MYLK: variants seen among roughly 807,000 people sequenced by gnomAD.
MYLK encodes the protein myosin light chain kinase, smooth muscle.
A neutral mutation model predicts 203.4 loss-of-function variants in MYLK; 106 were observed. The ratio of observed to expected loss-of-function variants is 0.52; its 90% CI spans 0.45 to 0.61. MYLK has a LOEUF of 0.61. Among genes scored for constraint, MYLK ranks in the 20% least tolerant of loss-of-function variants. The pLI is 0.00. For synonymous variants in MYLK, 867 were observed against 959.5 expected (o/e 0.90, Z 1.78); for missense variants, 2,072 against 2,442.3 (o/e 0.85, Z 3.20).
chr3:123,669,774 C>T (rs1455160417), intron 20 of MYLK, among the ~76,000 whole-genome samples: 1 of 152,040 alleles, frequency 6.6e-6, no homozygotes, highest in Non-Finnish European at 1.5e-5. Flanking sequence ...TTGGCTCACA[C>T]CTGTAATCCC....
At chr3:123,628,167 T>C (rs1243646944) in intron 30 of MYLK, among the ~76,000 whole-genome samples, 1 of 152,174 alleles carries the variant, frequency 6.6e-6, no homozygotes, top group Non-Finnish European at 1.5e-5. Flanking sequence ...AAGATCTCAT[T>C]GTCAAGGAGT....
chr3:123,759,591 C>A (rs2063469867), intron 4 of MYLK, among the ~76,000 whole-genome samples: 1 of 152,192 alleles, frequency 6.6e-6, no homozygotes. Flanking sequence ...ATGTGTTAGA[C>A]CCGGTGGGGA....
At chr3:123,868,945 C>A (rs1318140718) in intron 2 of MYLK, among the ~76,000 whole-genome samples, 1 of 152,090 alleles carries the variant, frequency 6.6e-6, no homozygotes, top group African/African-American at 2.4e-5. Context: ...ATCTGTGTTT[C>A]AATACTGTTT....
chr3:123,844,822 GTTTTTTTTT>G (rs146243787), intron 2 of MYLK, among the ~76,000 whole-genome samples: 1 of 117,852 alleles, frequency 8.5e-6, no homozygotes, highest in Non-Finnish European at 1.7e-5. Context: ...CTCCTCAGTT[GTTTTTTTTT>G]TTTTTTTTTT....
At chr3:123,878,323 A>G (rs11923003) in intron 1 of MYLK, among the ~76,000 whole-genome samples, 15,309 of 152,198 alleles carry the variant, frequency 0.1, 1,204 homozygotes, top group East Asian at 0.36. Context: ...CACATAGCAG[A>G]AGACAGTGCT....
intron 14 of MYLK, 128 bp from the exon 15 acceptor site, chr3:123,709,023 C>T: frequency 1.3e-6 from 1 of 775,604 alleles, no homozygotes; most frequent in South Asian, 1.8e-5. Flanking sequence ...ACTTCCCCAT[C>T]AGTAAAATAG....
intron 2 of MYLK, among the ~76,000 whole-genome samples, chr3:123,854,037 T>C (rs564023640): frequency 6.6e-6 from 1 of 151,872 alleles, no homozygotes; most frequent in Admixed American, 6.6e-5. Flanking sequence ...CAAGGTAGCC[T>C]GCTGGAAGAT....
intron 19 of MYLK, among the ~76,000 whole-genome samples, chr3:123,685,938 G>C (rs370827461): frequency 3.7e-4 from 56 of 152,312 alleles, no homozygotes; most frequent in South Asian, 1.9e-3. Flanking sequence ...GGAGCCCCAG[G>C]GGGTGGCCGC....
At chr3:123,681,957 G>A (rs1576535128) in intron 20 of MYLK, 1 of 519,082 alleles carries the variant, frequency 1.9e-6, no homozygotes, top group Non-Finnish European at 3.5e-6. Flanking sequence ...GGTTGGGCAG[G>A]GGAGGTAGAT....
rs1186344292 is a variant in MYLK, at chr3:123,620,306, T to G, written c.5269A>C (p.Arg1757=). 1 of 1,614,142 alleles carries G rather than the reference T, an allele frequency of 6.2e-7. No individual in the cohort carries two copies. Among genetic ancestry groups the G allele is most frequent in the East Asian group, 2.2e-5 (1 of 44,878 alleles). ...GAGATCATTGCCATAGAGGACAGTC[T>G]TCCAATGGCTCTCACAGCATTGCCC... ...KTGNAVRAIG[R]LSSMAMISGL... The change falls in exon 32 of 34, where the codon AGA becomes CGA. Residue 1757 remains arginine, a synonymous_variant. Coordinates refer to ENST00000360304, the MANE Select transcript of MYLK (RefSeq NM_053025.4).
At chr3:123,768,710 G>A (rs546386842) in intron 4 of MYLK, among the ~76,000 whole-genome samples, 85 of 152,350 alleles carry the variant, frequency 5.6e-4, no homozygotes, top group Admixed American at 2.2e-3. Context: ...GTCGCAAAAG[G>A]GGATAATCAT....
chr3:123,747,231 T>C (rs2063046608), intron 5 of MYLK, among the ~76,000 whole-genome samples: 1 of 152,210 alleles, frequency 6.6e-6, no homozygotes, highest in Admixed American at 6.5e-5. Flanking sequence ...TCACCAGGGC[T>C]ACTCTTCTCC....
Position 123,750,321 on chromosome 3 carries a change from G to A in MYLK, c.373+2010C>T, listed in dbSNP as rs2063154448. On this transcript the variant is annotated intron_variant, in intron 5 of 33. Coordinates refer to ENST00000360304, the MANE Select transcript of MYLK (RefSeq NM_053025.4). ...AATGAAAACCAAAGGGGAGGGGTGGGGTTGAGAGCCTTAGCCTGCTCTCCT... is the reference window on the plus strand; with the variant it reads ...AATGAAAACCAAAGGGGAGGGGTGGAGTTGAGAGCCTTAGCCTGCTCTCCT... 1.3e-5 allele frequency among the ~76,000 whole-genome samples: 2 copies of A among 152,100 alleles called. 1 individual carries two copies. Among genetic ancestry groups the A allele is most frequent in the South Asian group, 4.1e-4 (2 of 4,822 alleles).
chr3:123,757,538 A>C (rs931723969), intron 4 of MYLK, among the ~76,000 whole-genome samples: 2 of 152,216 alleles, frequency 1.3e-5, no homozygotes, highest in African/African-American at 4.8e-5. Context: ...AAGACCAGGA[A>C]GGAGAGAAAG....
chr3:123,869,139 ACT>A (rs1434534687), intron 2 of MYLK, among the ~76,000 whole-genome samples: 4 of 152,200 alleles, frequency 2.6e-5, no homozygotes, highest in East Asian at 3.9e-4. Flanking sequence ...TAACTCACAG[ACT>A]CTGCAGGAAA....
rs536152638 is a variant in MYLK at position 123,818,827 on chromosome 3, C to G, written c.-4+12721G>C. 2.0e-4 allele frequency among the ~76,000 whole-genome samples: 30 copies of G among 152,196 alleles called. 1 individual carries two copies. The highest frequency in any genetic ancestry group is 4.0e-4 in the Non-Finnish European group (27 of 68,038). ...TCTTAGTTGTGGTGAATTAAATCAACAATTCATGGAGAGCTCTTAGAACTG... is the reference window on the plus strand; with the variant it reads ...TCTTAGTTGTGGTGAATTAAATCAAGAATTCATGGAGAGCTCTTAGAACTG... On this transcript the variant is annotated intron_variant, in intron 3 of 33. Transcript: ENST00000360304.
intron 2 of MYLK, among the ~76,000 whole-genome samples, chr3:123,869,472 T>A (rs1198305287): frequency 6.6e-6 from 1 of 152,156 alleles, no homozygotes; most frequent in African/African-American, 2.4e-5. Flanking sequence ...TAAGGCATCA[T>A]CCAGACCTAG....
At chr3:123,841,177 G>A (rs1001505501) in intron 2 of MYLK, among the ~76,000 whole-genome samples, 9 of 152,132 alleles carry the variant, frequency 5.9e-5, no homozygotes, top group African/African-American at 2.2e-4. Context: ...AAAACCACAA[G>A]TGTTCAAAAG....
In MYLK at chr3:123,734,108, G is replaced by C. The variant is rs1560148733; in HGVS notation, c.888C>G (p.Asn296Lys). 1 of 1,603,494 alleles carries C rather than the reference G, an allele frequency of 6.2e-7. No homozygotes were observed. Among genetic ancestry groups the C allele is most frequent in the Non-Finnish European group, 8.5e-7 (1 of 1,173,966 alleles). The change falls in exon 10 of 34, where the codon AAC becomes AAG. Residue 296 changes from asparagine (N) to lysine (K), a missense_variant. Coordinates refer to ENST00000360304, the MANE Select transcript of MYLK (RefSeq NM_053025.4). ...DSLEAAAKSK[N>K]CSSPQRGGSP... The stretch of plus-strand genomic sequence containing the variant: ...AGCCACCTCTCTGGGGGCTGGAGCA[G>C]TTCTTGCTTTTGGCTGCAGCCTCCA...
Sources: allele counts gnomAD v4.1 joint callset (sites outside exome capture counted in the v4.1 genomes callset), GRCh38; gene constraint gnomAD v4.1.1; transcripts MANE v1.5; gene names NCBI Gene and HGNC (gene_info 2026-07-23, HGNC 2026-07-21).